The following BTBD9 variants were observed in gnomAD, a reference collection of about 807,000 sequenced individuals.
The protein encoded by BTBD9 is BTB domain containing 9, also known as BTB/POZ domain-containing protein 9.
In BTBD9, 49 loss-of-function variants were observed where a neutral mutation model predicts 64.3. That is an observed-to-expected ratio of 0.76 (90% CI 0.61 to 0.97). The LOEUF (loss-of-function observed/expected upper bound fraction) is 0.97, where lower values mean the gene tolerates loss of function less well. Among genes scored for constraint, BTBD9 ranks in the 50% least tolerant of loss-of-function variants. The pLI, the probability that BTBD9 is intolerant of heterozygous loss-of-function variation, is 0.00. For missense variants in BTBD9, 598 were observed against 762.1 expected (o/e 0.78, Z 2.53); for synonymous variants, 260 against 274.7 (o/e 0.95, Z 0.53).
At chr6:38,426,924 A>G (rs1264582270) in intron 6 of BTBD9, among the ~76,000 whole-genome samples, 2 of 151,724 alleles carry the variant, frequency 1.3e-5, no homozygotes, top group East Asian at 3.9e-4. Flanking sequence ...GTCTAGACAA[A>G]GAGAGAGACC....
At chr6:38,175,914 G>A (rs1334547522) in intron 10 of BTBD9, among the ~76,000 whole-genome samples, 5 of 152,240 alleles carry the variant, frequency 3.3e-5, no homozygotes, top group African/African-American at 1.2e-4. Flanking sequence ...CGCCCCCAAT[G>A]TGTAGAAGCC....
In BTBD9 at chr6:38,175,113, A is replaced by G; in HGVS notation, c.1711T>C (p.Ser571Pro). 6.2e-7 allele frequency: 1 copy of G among 1,614,200 alleles called. No individual in the cohort carries two copies. The highest frequency in any genetic ancestry group is 8.5e-7 in the Non-Finnish European group (1 of 1,180,032). Residue 571 changes from serine to proline, a missense_variant, in exon 11 of 11, where the codon TCG becomes CCG. Ser to Pro is a moderately conservative substitution (Grantham distance 74). Transcript: ENST00000481247. ...GCCAGGCTGGTGTCCCCTGTCCCCG[A>G]TTCCTCACTATTTTCCTCCTTCTGG... Reference protein sequence around the residue: ...SSQKEENSEESGTGDTSLAGQ... With the variant: ...SSQKEENSEEPGTGDTSLAGQ...
chr6:38,270,319 A>G (rs1299037510), intron 8 of BTBD9, among the ~76,000 whole-genome samples: 1 of 151,994 alleles, frequency 6.6e-6, no homozygotes, highest in Non-Finnish European at 1.5e-5. Context: ...TCCAATGCAC[A>G]TGCAAGCTTA....
chr6:38,311,158 C>A (rs1582209199), intron 7 of BTBD9, among the ~76,000 whole-genome samples: 1 of 152,120 alleles, frequency 6.6e-6, no homozygotes, highest in South Asian at 2.1e-4. Context: ...TGACTATAGT[C>A]ACCTTGCTGT....
At chr6:38,416,763 G>A (rs1767685873) in intron 6 of BTBD9, among the ~76,000 whole-genome samples, 1 of 152,046 alleles carries the variant, frequency 6.6e-6, no homozygotes. Context: ...GCAATTTGGG[G>A]CACAGTCACC....
intron 7 of BTBD9, among the ~76,000 whole-genome samples, chr6:38,295,685 C>A (rs1762133433): frequency 6.6e-6 from 1 of 152,050 alleles, no homozygotes; most frequent in African/African-American, 2.4e-5. Context: ...CCATCCTTTC[C>A]CCCACTAATT....
At chr6:38,250,843 TG>T (rs1251338001) in intron 9 of BTBD9, among the ~76,000 whole-genome samples, 2 of 151,984 alleles carry the variant, frequency 1.3e-5, no homozygotes, top group African/African-American at 4.8e-5. Flanking sequence ...GAAGCCGAGG[TG>T]GGGGGATCAC....
intron 9 of BTBD9, among the ~76,000 whole-genome samples, chr6:38,247,155 TA>T (rs5875623): frequency 0.091 from 13,530 of 149,024 alleles, 800 homozygotes; most frequent in Non-Finnish European, 0.14. Context: ...AAAGAAGATG[TA>T]AAAAAAAAAA....
chr6:38,412,332 C>A (rs1767463653), intron 6 of BTBD9, among the ~76,000 whole-genome samples: 1 of 152,002 alleles, frequency 6.6e-6, no homozygotes, highest in Non-Finnish European at 1.5e-5. Context: ...CAAGCATCCC[C>A]AAAACACACG....
At chr6:38,602,788 T>C (rs1777300353) in intron 1 of BTBD9, among the ~76,000 whole-genome samples, 1 of 151,338 alleles carries the variant, frequency 6.6e-6, no homozygotes, top group Admixed American at 6.6e-5. Context: ...ATGTATTATC[T>C]CCACAGAGAA....
chr6:38,599,444 G>A lies in BTBD9; in HGVS notation c.-27-1323C>T, dbSNP rs144541914. Reference sequence around the variant, plus strand: ...GGGACTACAGGTGTACACCATCATGGCCAGCTAATTGCAGGTACTGCTTTG... The same window carrying A: ...GGGACTACAGGTGTACACCATCATGACCAGCTAATTGCAGGTACTGCTTTG... On this transcript the variant is annotated intron_variant, in intron 1 of 10. Coordinates refer to ENST00000481247, the MANE Select transcript of BTBD9 (RefSeq NM_001099272.2). Among the ~76,000 whole-genome samples, 428 of 152,230 alleles carry A rather than the reference G, an allele frequency of 2.8e-3. 2 individuals are homozygous for A. The highest frequency in any genetic ancestry group is 9.6e-3 in the African/African-American group (397 of 41,538).
At chr6:38,639,193 T>C (rs912822577) in intron 1 of BTBD9, among the ~76,000 whole-genome samples, 4 of 152,222 alleles carry the variant, frequency 2.6e-5, no homozygotes, top group African/African-American at 7.2e-5. Flanking sequence ...AACAACAATG[T>C]ACTAAAACGC....
At position 38,174,542 on chromosome 6, in the gene BTBD9, A is replaced by T. The variant is rs11751630; in HGVS notation, c.*443T>A. On this transcript the variant is annotated 3_prime_UTR_variant, in exon 11 of 11. Coordinates refer to ENST00000481247, the MANE Select transcript of BTBD9 (RefSeq NM_001099272.2). ...AAAAAATCATTTAGTTGCCAGGGCAATGTATTCCAGCAGAATGAACACTCT... is the reference window on the plus strand; with the variant it reads ...AAAAAATCATTTAGTTGCCAGGGCATTGTATTCCAGCAGAATGAACACTCT... The T allele has an allele frequency of 0.095, 15,873 of 167,458 alleles. 843 individuals carry two copies. The highest frequency in any genetic ancestry group is 0.11 in the Non-Finnish European group (8,788 of 78,686). The allele number at this position is 167,458 out of a possible 1,614,324, so 10.4% of individuals were successfully genotyped here.
At position 38,169,318 on chromosome 6, in the gene BTBD9, G is replaced by A. The variant is rs1315111450; in HGVS notation, c.*5667C>T. ...AACTCAGGACTAGCAGCAGCCATCA[G>A]GGGCTGTGGTGCAGGAGCAGCCACC... On this transcript the variant is annotated 3_prime_UTR_variant, in exon 11 of 11. Coordinates refer to ENST00000481247, the MANE Select transcript of BTBD9 (RefSeq NM_001099272.2). 6.6e-6 allele frequency: 1 copy of A among 152,498 alleles called. No homozygotes were observed. The highest frequency in any genetic ancestry group is 6.5e-5 in the Admixed American group (1 of 15,290). The allele number at this position is 152,498 out of a possible 1,614,324, so 9.4% of individuals were successfully genotyped here.
chr6:38,244,701 A>T (rs1306865663), intron 9 of BTBD9, among the ~76,000 whole-genome samples: 1 of 152,194 alleles, frequency 6.6e-6, no homozygotes, highest in Admixed American at 6.5e-5. Context: ...TTGAAGTGAT[A>T]AACTGTTACC....
At chr6:38,536,275 G>T (rs549616470) in intron 6 of BTBD9, among the ~76,000 whole-genome samples, 162 of 152,024 alleles carry the variant, frequency 1.1e-3, no homozygotes, top group Non-Finnish European at 1.9e-3. Context: ...CTGAAATGAG[G>T]TATCATCTCA....
intron 10 of BTBD9, among the ~76,000 whole-genome samples, chr6:38,175,850 C>A (rs1001960468): frequency 6.6e-6 from 1 of 152,216 alleles, no homozygotes; most frequent in African/African-American, 2.4e-5. Context: ...TGCTAAGCAG[C>A]CGTGCTGGGG....
chr6:38,355,727 T>C (rs1440885219), intron 6 of BTBD9, among the ~76,000 whole-genome samples: 1 of 152,214 alleles, frequency 6.6e-6, no homozygotes, highest in African/African-American at 2.4e-5. Context: ...AAGCAAGCTA[T>C]CATCCTGGGA....
intron 1 of BTBD9, among the ~76,000 whole-genome samples, chr6:38,609,267 G>A (rs1777533317): frequency 6.6e-6 from 1 of 152,130 alleles, no homozygotes; most frequent in South Asian, 2.1e-4. Flanking sequence ...CTACACTGGA[G>A]GCTGAGGCAG....
Sources: allele counts gnomAD v4.1 joint callset (sites outside exome capture counted in the v4.1 genomes callset), GRCh38; gene constraint gnomAD v4.1.1; transcripts MANE v1.5; gene names NCBI Gene and HGNC (gene_info 2026-07-23, HGNC 2026-07-21).